The following UST variants were observed in gnomAD, a reference collection of about 807,000 sequenced individuals.
The protein encoded by UST is uronyl 2-sulfotransferase.
Under a neutral mutation model 45.6 loss-of-function variants are expected in UST, and 21 were observed. The observed-to-expected ratio is 0.46, with a 90% CI of 0.33 to 0.66. The LOEUF (loss-of-function observed/expected upper bound fraction) is 0.66, where lower values mean the gene tolerates loss of function less well. UST is among the 30% of genes least tolerant of loss of function. The probability of loss-of-function intolerance (pLI) is 0.02; values close to 1 mark genes in which losing one functional copy is unlikely to be tolerated. For synonymous variants in UST, 215 were observed against 200.6 expected (o/e 1.07, Z -0.61); for missense variants, 463 against 512.4 (o/e 0.90, Z 0.93).
chr6:148,843,762 A>G (rs1481708996), intron 1 of UST, among the ~76,000 whole-genome samples: 1 of 152,170 alleles, frequency 6.6e-6, no homozygotes, highest in Admixed American at 6.5e-5. Context: ...TACATTTGTA[A>G]TTTGCCTAGG....
chr6:148,822,314 A>G (rs903227796), intron 1 of UST, among the ~76,000 whole-genome samples: 1 of 152,118 alleles, frequency 6.6e-6, no homozygotes, highest in African/African-American at 2.4e-5. Flanking sequence ...CTCTTTCCAT[A>G]TTTATAACTC....
chr6:148,895,015 A>G (rs1779096638), intron 2 of UST, among the ~76,000 whole-genome samples: 1 of 151,868 alleles, frequency 6.6e-6, no homozygotes, highest in Non-Finnish European at 1.5e-5. Flanking sequence ...ACGGGGTTTC[A>G]CCATGTTGGC....
At chr6:148,829,811 C>G (rs1562270448) in intron 1 of UST, among the ~76,000 whole-genome samples, 1 of 152,176 alleles carries the variant, frequency 6.6e-6, no homozygotes, top group Non-Finnish European at 1.5e-5. Flanking sequence ...AACAATTTTA[C>G]CAACCCATCA....
At chr6:148,868,879 C>A (rs1778497090) in intron 1 of UST, among the ~76,000 whole-genome samples, 1 of 152,136 alleles carries the variant, frequency 6.6e-6, no homozygotes, top group Admixed American at 6.5e-5. Flanking sequence ...CTTAAATTGG[C>A]TCTATTTTAA....
chr6:148,777,094 G>A (rs1447408287), intron 1 of UST, among the ~76,000 whole-genome samples: 1 of 152,194 alleles, frequency 6.6e-6, no homozygotes, highest in East Asian at 1.9e-4. Flanking sequence ...GGAGCTCCAA[G>A]TGCTTGCTGG....
chr6:148,854,031 G>T (rs1778155312), intron 1 of UST, among the ~76,000 whole-genome samples: 1 of 152,190 alleles, frequency 6.6e-6, no homozygotes, highest in Non-Finnish European at 1.5e-5. Context: ...CACACATGAT[G>T]AAGTCTGATA....
chr6:149,047,490 T>G (rs1229914902), intron 7 of UST, among the ~76,000 whole-genome samples: 1 of 152,192 alleles, frequency 6.6e-6, no homozygotes, highest in Admixed American at 6.5e-5. Context: ...ATGGAGCATT[T>G]CAAAATTTAA....
intron 7 of UST, chr6:149,027,679 C>T (rs1776068671): frequency 1.3e-5 from 2 of 152,312 alleles, no homozygotes; most frequent in South Asian, 4.2e-4. Flanking sequence ...ATGTGTTCTT[C>T]CCTGGAGCTG....
chr6:148,821,156 A>G (rs1777457727), intron 1 of UST, among the ~76,000 whole-genome samples: 1 of 151,382 alleles, frequency 6.6e-6, no homozygotes, highest in African/African-American at 2.4e-5. Context: ...TTTTCAGTAG[A>G]GTCGGGGTTT....
At chr6:149,045,700 C>T (rs965998922) in intron 7 of UST, among the ~76,000 whole-genome samples, 25 of 152,174 alleles carry the variant, frequency 1.6e-4, no homozygotes, top group Admixed American at 1.3e-4. Context: ...AAAGACTGAG[C>T]TTAAAGCCAG....
chr6:148,951,363 C>T (rs1780360484), intron 3 of UST, among the ~76,000 whole-genome samples: 1 of 152,112 alleles, frequency 6.6e-6, no homozygotes, highest in Non-Finnish European at 1.5e-5. Context: ...TTGAGGGCAC[C>T]ATTAGGACAT....
At chr6:148,945,323 AG>A (rs1214099734) in intron 3 of UST, among the ~76,000 whole-genome samples, 1 of 152,194 alleles carries the variant, frequency 6.6e-6, no homozygotes, top group Non-Finnish European at 1.5e-5. Context: ...CCTTGAACCT[AG>A]GCCTTCCTTA....
At position 148,973,275 on chromosome 6, in the gene UST, A is replaced by G. The variant is rs374772129; in HGVS notation, c.681+8712A>G. Among the ~76,000 whole-genome samples, 13 of 152,358 alleles carry G rather than the reference A, an allele frequency of 8.5e-5. 3 individuals are homozygous for G. Among genetic ancestry groups the G allele is most frequent in the East Asian group, 3.9e-4 (2 of 5,192 alleles). On this transcript the variant is annotated intron_variant, in intron 5 of 7. Transcript: ENST00000367463. ...AACCAAGGTGTGCATTATAGTATAC[A>G]TTTCAGATCTCACTTTAGGAAGCCA...
At chr6:148,912,058 A>G (rs900253788) in intron 2 of UST, among the ~76,000 whole-genome samples, 1 of 152,192 alleles carries the variant, frequency 6.6e-6, no homozygotes, top group Admixed American at 6.5e-5. Context: ...TTAGCTGGGC[A>G]TGGTGGTGAG....
intron 5 of UST, among the ~76,000 whole-genome samples, chr6:148,986,644 A>G (rs1358461900): frequency 6.6e-6 from 1 of 152,204 alleles, no homozygotes; most frequent in Non-Finnish European, 1.5e-5. Context: ...AGGTCATCTG[A>G]TGCTACAGCT....
intron 5 of UST, among the ~76,000 whole-genome samples, chr6:148,985,113 C>T (rs1235189102): frequency 1.3e-5 from 2 of 152,120 alleles, no homozygotes; most frequent in Non-Finnish European, 2.9e-5. Context: ...TGCTGAGTTT[C>T]AGGTGCTTGC....
In UST at chr6:148,911,429, A is replaced by G. The variant is rs375550736; in HGVS notation, c.291+24400A>G. Among the ~76,000 whole-genome samples the G allele has an allele frequency of 9.2e-5, 14 of 152,322 alleles. No individual in the cohort carries two copies. In the South Asian group the frequency reaches 2.9e-3, roughly 32 times the overall value. ...TCCTAGGGACCCAAACAGCTTCTGA[A>G]ATCTGATCTTGTCCTTCTTTATCCT... On this transcript the variant is annotated intron_variant, in intron 2 of 7. Coordinates refer to ENST00000367463, the MANE Select transcript of UST (RefSeq NM_005715.3).
At chr6:148,982,843 C>T (rs1184038919) in intron 5 of UST, among the ~76,000 whole-genome samples, 1 of 152,184 alleles carries the variant, frequency 6.6e-6, no homozygotes, top group African/African-American at 2.4e-5. Context: ...AAAAGGTTTC[C>T]TTTTCCTGGG....
At chr6:148,831,483 C>G (rs1777686260) in intron 1 of UST, among the ~76,000 whole-genome samples, 1 of 152,134 alleles carries the variant, frequency 6.6e-6, no homozygotes, top group Non-Finnish European at 1.5e-5. Flanking sequence ...CTTCTGAGTG[C>G]CAGGCATTGT....
Sources: gnomAD v4.1 joint callset for allele counts (sites outside exome capture counted in the v4.1 genomes callset) on GRCh38, gnomAD v4.1.1 for gene constraint, MANE v1.5 for transcripts, NCBI Gene and HGNC (gene_info 2026-07-23, HGNC 2026-07-21) for gene names.